The following FSTL4 variants were observed in gnomAD, a reference collection of about 807,000 sequenced individuals.
FSTL4 encodes follistatin like 4, also known as follistatin-related protein 4.
FSTL4 carries 28 observed loss-of-function variants against 78.2 expected under a neutral mutation model. The observed-to-expected ratio is 0.36, with a 90% confidence interval of 0.27 to 0.49. FSTL4 has a LOEUF of 0.49. Ranked by LOEUF, FSTL4 falls within the 20% of genes least tolerant of loss-of-function variation. The pLI is 0.98. For synonymous variants in FSTL4, 422 were observed against 440.5 expected (o/e 0.96, Z 0.53); for missense variants, 922 against 1,084.9 (o/e 0.85, Z 2.11).
At chr5:133,454,953 G>A (rs1470178506) in intron 3 of FSTL4, among the ~76,000 whole-genome samples, 1 of 152,198 alleles carries the variant, frequency 6.6e-6, no homozygotes, top group Non-Finnish European at 1.5e-5. Context: ...CACAAACTGA[G>A]ATCGCCTTGA....
chr5:133,269,117 G>A lies in FSTL4; in HGVS notation c.728-19541C>T, dbSNP rs184173557. On this transcript the variant is annotated intron_variant, in intron 6 of 15. Coordinates refer to ENST00000265342, the MANE Select transcript of FSTL4 (RefSeq NM_015082.2). The stretch of plus-strand genomic sequence containing the variant: ...GAATGGCGTGAACCCGGGAGGCGGA[G>A]CTTGCAGTGAGCTGAGATCGTGCCA... 1.9e-3 allele frequency among the ~76,000 whole-genome samples: 277 copies of A among 147,196 alleles called. 1 individual carries two copies. Among genetic ancestry groups the A allele is most frequent in the African/African-American group, 6.9e-3 (265 of 38,482 alleles).
chr5:133,225,775 G>T lies in FSTL4; in HGVS notation c.1060C>A (p.Pro354Thr). Residue 354 changes from proline to threonine, a missense_variant, in exon 9 of 16, where the codon CCT becomes ACT. Transcript: ENST00000265342. The surrounding 1 kb of genome is among the most constrained non-coding windows in gnomAD (Gnocchi z 4.6). ...CATCTTAGGCTGGCTGCCACTCCAG[G>T]CTCCTGTGCCTGGCTCTCTGGATAG... The part of the protein sequence containing the change: ...RVYPESQAQE[P>T]GVAASLRCHA... 6.2e-7 allele frequency: 1 copy of T among 1,608,874 alleles called. No individual in the cohort carries two copies.
intron 3 of FSTL4, among the ~76,000 whole-genome samples, chr5:133,528,129 C>T (rs958021655): frequency 1.3e-5 from 2 of 152,160 alleles, no homozygotes; most frequent in Non-Finnish European, 2.9e-5. Context: ...GCCATGTCCC[C>T]TCTTGCTGTT....
intron 3 of FSTL4, among the ~76,000 whole-genome samples, chr5:133,461,706 A>C (rs1044927444): frequency 2.0e-5 from 3 of 152,218 alleles, no homozygotes; most frequent in African/African-American, 7.2e-5. Context: ...CTTCATCCTT[A>C]TTCACTATTC....
chr5:133,777,040 A>T, the FSTL4 span, among the ~76,000 whole-genome samples: 1 of 152,122 alleles, frequency 6.6e-6, no homozygotes, highest in African/African-American at 2.4e-5. Context: ...CGTGCACATG[A>T]ACTCACTCCC....
chr5:133,680,129 A>C, the FSTL4 span, among the ~76,000 whole-genome samples: 1 of 152,186 alleles, frequency 6.6e-6, no homozygotes, highest in Non-Finnish European at 1.5e-5. Context: ...TACATACTAA[A>C]GCCCACATTG....
intron 4 of FSTL4, among the ~76,000 whole-genome samples, chr5:133,390,148 C>T (rs1170457488): frequency 6.6e-6 from 1 of 152,206 alleles, no homozygotes; most frequent in South Asian, 2.1e-4. Flanking sequence ...CCTGGATGAG[C>T]CCTTTTTTCC....
chr5:133,244,547 T>A (rs1292443850), intron 7 of FSTL4: 2 of 152,100 alleles, frequency 1.3e-5, no homozygotes, highest in Non-Finnish European at 2.9e-5. Flanking sequence ...CAGACACTAC[T>A]GATTTCTCAT....
In FSTL4 at chr5:133,512,974, T is replaced by C. The variant is rs114435687; in HGVS notation, c.160+54212A>G. Among the ~76,000 whole-genome samples the C allele has an allele frequency of 3.0e-3, 452 of 152,284 alleles. 1 individual carries two copies. Among genetic ancestry groups the C allele is most frequent in the Non-Finnish European group, 5.0e-3 (338 of 68,010 alleles). ...CTGGGACTACAGGCATGAGCTACCATGCCTGGCTAATTTTTATATTACTTT... is the reference window on the plus strand; with the variant it reads ...CTGGGACTACAGGCATGAGCTACCACGCCTGGCTAATTTTTATATTACTTT... On this transcript the variant is annotated intron_variant, in intron 3 of 15. Transcript: ENST00000265342.
At chr5:133,623,865 C>T in the FSTL4 span, among the ~76,000 whole-genome samples, 1 of 151,888 alleles carries the variant, frequency 6.6e-6, no homozygotes, top group Admixed American at 6.6e-5. Flanking sequence ...TGAATATTTG[C>T]ATTAAGGAAA....
chr5:133,615,451 G>A (rs1761182890), upstream of FSTL4, among the ~76,000 whole-genome samples: 1 of 152,220 alleles, frequency 6.6e-6, no homozygotes, highest in Non-Finnish European at 1.5e-5. Context: ...GTGAGCCTGG[G>A]AGAGTCACAC....
chr5:133,572,157 G>A (rs1347486286), intron 2 of FSTL4, among the ~76,000 whole-genome samples: 1 of 152,220 alleles, frequency 6.6e-6, no homozygotes, highest in Non-Finnish European at 1.5e-5. Context: ...CAAAGGGTGG[G>A]TGGTAGAGAT....
chr5:133,604,019 G>A (rs1207176807), intron 1 of FSTL4, 26 bp from the exon 2 acceptor site: 11 of 1,555,676 alleles, frequency 7.1e-6, no homozygotes, highest in Admixed American at 1.7e-5. Context: ...CAAATGCTGA[G>A]AATAAAACAT....
chr5:133,540,406 T>C (rs1442683667), intron 3 of FSTL4, among the ~76,000 whole-genome samples: 2 of 152,076 alleles, frequency 1.3e-5, no homozygotes, highest in Non-Finnish European at 2.9e-5. Flanking sequence ...GGGACAATGC[T>C]CTTAAGATGC....
intron 3 of FSTL4, among the ~76,000 whole-genome samples, chr5:133,488,891 G>A (rs1758198793): frequency 6.6e-6 from 1 of 152,108 alleles, no homozygotes; most frequent in African/African-American, 2.4e-5. Flanking sequence ...TCTGGCATCT[G>A]GAGACTGCCC....
At chr5:133,567,907 G>A (rs1034394596) in intron 2 of FSTL4, among the ~76,000 whole-genome samples, 1 of 152,162 alleles carries the variant, frequency 6.6e-6, no homozygotes, top group Admixed American at 6.5e-5. Context: ...GTTGATTAGG[G>A]GGCCACAGAA....
At chr5:133,294,361 T>C (rs1753339141) in intron 6 of FSTL4, among the ~76,000 whole-genome samples, 1 of 152,162 alleles carries the variant, frequency 6.6e-6, no homozygotes, top group African/African-American at 2.4e-5. Context: ...AACTTTTTGA[T>C]GCCTCCGTTC....
At chr5:133,330,122 T>C (rs1490270882) in intron 4 of FSTL4, among the ~76,000 whole-genome samples, 2 of 152,198 alleles carry the variant, frequency 1.3e-5, no homozygotes, top group Non-Finnish European at 2.9e-5. Context: ...GTTCCACGTG[T>C]AGGTGCTGAC....
chr5:133,532,529 G>A (rs936151201), intron 3 of FSTL4, among the ~76,000 whole-genome samples: 3 of 152,124 alleles, frequency 2.0e-5, no homozygotes, highest in Admixed American at 1.3e-4. Flanking sequence ...CCAGGACACT[G>A]GTTACTTAAG....
Sources: gnomAD v4.1 joint callset for allele counts (sites outside exome capture counted in the v4.1 genomes callset) on GRCh38, gnomAD v4.1.1 for gene constraint, Gnocchi (gnomAD v3.1) non-coding constraint, MANE v1.5 for transcripts, NCBI Gene and HGNC (gene_info 2026-07-23, HGNC 2026-07-21) for gene names.